The following REV3L variants were observed in gnomAD, a reference collection of about 807,000 sequenced individuals.
The protein encoded by REV3L is DNA polymerase zeta catalytic subunit.
Under a neutral mutation model 299.4 loss-of-function variants are expected in REV3L, and 69 were observed. That is an observed-to-expected ratio of 0.23 (90% CI 0.19 to 0.28). The LOEUF (loss-of-function observed/expected upper bound fraction) is 0.28. Ranked by LOEUF, REV3L falls within the 10% of genes least tolerant of loss-of-function variation. REV3L has a pLI of 1.00. For missense variants in REV3L, 3,128 were observed against 3,693.8 expected, an observed-to-expected ratio of 0.85 and a Z score of 3.97; for synonymous variants, 1,238 against 1,271.4, an observed-to-expected ratio of 0.97 and a Z score of 0.56.
chr6:111,474,110 T>C (rs529375431), intron 1 of REV3L, among the ~76,000 whole-genome samples: 1 of 152,330 alleles, frequency 6.6e-6, no homozygotes, highest in South Asian at 2.1e-4. Context: ...AGTGTTATGG[T>C]AGATATTTTT....
chr6:111,314,743 T>C (rs1035052859), intron 27 of REV3L, among the ~76,000 whole-genome samples: 3 of 152,146 alleles, frequency 2.0e-5, no homozygotes, highest in Non-Finnish European at 4.4e-5. Flanking sequence ...TTTGGGGTGA[T>C]CTGTTACACA....
chr6:111,424,892 A>G (rs1785983440), intron 1 of REV3L, among the ~76,000 whole-genome samples: 1 of 152,196 alleles, frequency 6.6e-6, no homozygotes, highest in African/African-American at 2.4e-5. Context: ...GAGGCTGACC[A>G]AAAAATTCAA....
At position 111,376,399 on chromosome 6, in the gene REV3L, T is replaced by C. The variant is rs144165866; in HGVS notation, c.1956A>G (p.Val652=). The change falls in exon 13 of 32, where the codon GTA becomes GTG. Residue 652 remains valine (V), a synonymous_variant. Transcript: ENST00000368802. ...KENSKKEILP[V]SSCESSIFDY... is the part of the protein sequence containing the mutation. ...CAAAAATACTACTTTCACAGGAAGA[T>C]ACTGGGAGGATCTCTTTCTTACTAT... The C allele has an allele frequency of 5.2e-5, 84 of 1,613,698 alleles. No homozygotes were observed. Among genetic ancestry groups the C allele is most frequent in the South Asian group, 6.6e-5 (6 of 91,002 alleles).
At chr6:111,420,698 G>A (rs1562283318) in intron 1 of REV3L, among the ~76,000 whole-genome samples, 2 of 152,284 alleles carry the variant, frequency 1.3e-5, no homozygotes, top group Admixed American at 6.5e-5. Flanking sequence ...TTTAAAAAGC[G>A]CCACCAAAAC....
intron 28 of REV3L, 150 bp downstream of exon 28, chr6:111,313,202 C>A (rs985139209): frequency 4.9e-6 from 3 of 614,944 alleles, no homozygotes; most frequent in Non-Finnish European, 7.4e-6. Flanking sequence ...AAATAAAATT[C>A]TCAAAATTCA....
chr6:111,465,756 A>AC (rs199912630), intron 1 of REV3L, among the ~76,000 whole-genome samples: 7 of 146,994 alleles, frequency 4.8e-5, no homozygotes, highest in Non-Finnish European at 9.0e-5. Flanking sequence ...AAAAAAAAAA[A>AC]AAAAAAAAAA....
intron 30 of REV3L, chr6:111,308,119 C>T (rs1772542474): frequency 1.2e-5 from 4 of 333,986 alleles, no homozygotes; most frequent in Non-Finnish European, 6.0e-6. Context: ...ATGAACTCAT[C>T]CTTTTTTATG....
chr6:111,420,433 C>CA (rs1315480682), intron 1 of REV3L, among the ~76,000 whole-genome samples: 1 of 152,134 alleles, frequency 6.6e-6, no homozygotes, highest in Non-Finnish European at 1.5e-5. Flanking sequence ...CTACAGTCAC[C>CA]ATGCAGTACA....
intron 4 of REV3L, among the ~76,000 whole-genome samples, chr6:111,394,488 TTCC>T (rs1171522857): frequency 6.6e-5 from 10 of 152,264 alleles, no homozygotes; most frequent in Admixed American, 2.0e-4. Flanking sequence ...TCCTGTTGAG[TTCC>T]TTACATATTC....
intron 2 of REV3L, among the ~76,000 whole-genome samples, chr6:111,414,121 A>T (rs1244544839): frequency 1.3e-5 from 2 of 152,142 alleles, no homozygotes; most frequent in East Asian, 3.8e-4. Context: ...AATAAAAATT[A>T]AAATACCTGC....
intron 4 of REV3L, among the ~76,000 whole-genome samples, chr6:111,401,615 A>G (rs943714003): frequency 2.6e-5 from 4 of 152,252 alleles, no homozygotes; most frequent in African/African-American, 7.2e-5. Context: ...GCTAGTTTCA[A>G]TGCTTCAATA....
chr6:111,381,008 A>C (rs943078598), intron 10 of REV3L, among the ~76,000 whole-genome samples: 15 of 152,254 alleles, frequency 9.9e-5, no homozygotes, highest in African/African-American at 2.9e-4. Context: ...AGAACCACTT[A>C]TGGTGTTTTA....
intron 1 of REV3L, among the ~76,000 whole-genome samples, chr6:111,422,667 T>TATATATATAC (rs1785665620): frequency 7.1e-5 from 4 of 56,322 alleles, no homozygotes; most frequent in African/African-American, 1.7e-4. Context: ...TATATACATA[T>TATATATATAC]ATATATATAT....
intron 1 of REV3L, among the ~76,000 whole-genome samples, chr6:111,447,374 TAA>T (rs755478272): frequency 1.5e-4 from 23 of 152,126 alleles, no homozygotes; most frequent in Non-Finnish European, 3.1e-4. Context: ...TAGAAATTAA[TAA>T]AGAGACAAAA....
At chr6:111,363,044 G>C (rs1398839712) in intron 16 of REV3L, among the ~76,000 whole-genome samples, 1 of 152,154 alleles carries the variant, frequency 6.6e-6, no homozygotes, top group Non-Finnish European at 1.5e-5. Context: ...TAAATTTACA[G>C]TGACCCATTC....
chr6:111,388,109 A>C lies in REV3L; in HGVS notation c.863-24T>G, dbSNP rs1781522636. 5 of 1,477,474 alleles carry C rather than the reference A, an allele frequency of 3.4e-6. No homozygotes were observed. In the Admixed American group the frequency reaches 9.0e-5, roughly 27 times the overall value. The allele number at this position is 1,477,474 out of a possible 1,614,324, so 91.5% of individuals were successfully genotyped here. ...ATCTTTGAATTTTAAAAGTGCATTA[A>C]AAAATGTAAATAGCAAATGAATGAA... On this transcript the variant is annotated intron_variant, in intron 7 of 31. Coordinates refer to ENST00000368802, the MANE Select transcript of REV3L (RefSeq NM_001372078.1).
chr6:111,403,810 A>G (rs1485958375), intron 4 of REV3L, among the ~76,000 whole-genome samples: 1 of 152,238 alleles, frequency 6.6e-6, no homozygotes, highest in African/African-American at 2.4e-5. Flanking sequence ...GCATGTCAGA[A>G]GCCAAAATAA....
chr6:111,381,612 T>TAACC (rs1377535344), intron 9 of REV3L, among the ~76,000 whole-genome samples, 168 bp from the exon 10 acceptor site: 1 of 152,206 alleles, frequency 6.6e-6, no homozygotes, highest in Non-Finnish European at 1.5e-5. Flanking sequence ...CAGAAATATT[T>TAACC]AACCAGTCAC....
At chr6:111,327,969 G>A (rs1775014251) in intron 25 of REV3L, among the ~76,000 whole-genome samples, 1 of 152,092 alleles carries the variant, frequency 6.6e-6, no homozygotes, top group Admixed American at 6.5e-5. Context: ...CTGAACTAAT[G>A]CAAATATGAT....
Sources: gnomAD v4.1 joint callset for allele counts (sites outside exome capture counted in the v4.1 genomes callset) on GRCh38, gnomAD v4.1.1 for gene constraint, MANE v1.5 for transcripts, NCBI Gene and HGNC (gene_info 2026-07-23, HGNC 2026-07-21) for gene names.